COL4A1: variants seen among roughly 807,000 people sequenced by gnomAD.
The protein encoded by COL4A1 is collagen type IV alpha 1 chain, also known as collagen alpha-1(IV) chain.
In COL4A1, 40 loss-of-function variants were observed where a neutral mutation model predicts 216.6. The observed-to-expected ratio is 0.18, with a 90% CI of 0.14 to 0.24. The LOEUF (loss-of-function observed/expected upper bound fraction) is 0.24, where lower values mean the gene tolerates loss of function less well. Ranked by LOEUF, COL4A1 falls within the 10% of genes least tolerant of loss-of-function variation. The pLI is 1.00. For synonymous variants in COL4A1, 839 were observed against 810.7 expected (o/e 1.03, Z -0.59); for missense variants, 1,628 against 2,196.8 (o/e 0.74, Z 5.18).
chr13:110,174,550 G>C, intron 38 of COL4A1, 24 bp from the exon 39 acceptor site: 1 of 1,614,070 alleles, frequency 6.2e-7, no homozygotes, highest in South Asian at 1.1e-5. Flanking sequence ...CAAAACACCA[G>C]AACATCCATA....
At chr13:110,167,357 T>C (rs113375666) in intron 43 of COL4A1, 127 bp from the exon 44 acceptor site, 2 of 781,392 alleles carry the variant, frequency 2.6e-6, no homozygotes, top group Admixed American at 3.6e-5. Flanking sequence ...GAACAAATGG[T>C]GCCTTGTGGT....
chr13:110,202,619 C>A (rs947292750), intron 18 of COL4A1, among the ~76,000 whole-genome samples: 5 of 152,022 alleles, frequency 3.3e-5, no homozygotes, highest in African/African-American at 1.2e-4. Flanking sequence ...AGGAAGGCAG[C>A]AAAGGAGAGA....
rs551689044 is a variant in COL4A1, at chr13:110,148,976, G to A, written c.*1387C>T. ...ATAAAAATAATCTAAGGTATGCAAA[G>A]CTTACAAATTTATTAGCAGCTTGTG... is the stretch of plus-strand genomic sequence containing the variant. On this transcript the variant is annotated 3_prime_UTR_variant, in exon 52 of 52. Transcript: ENST00000375820. The A allele has an allele frequency of 7.2e-5, 11 of 152,782 alleles. No individual in the cohort carries two copies. The highest frequency in any genetic ancestry group is 1.0e-4 in the Non-Finnish European group (7 of 68,190). 9.5% of individuals were successfully genotyped at this position (152,782 alleles called of 1,614,324 possible). A position where few individuals can be genotyped will look rare whatever the true frequency, so the allele number is the denominator to read the frequency against.
At chr13:110,191,293 TA>T (rs1878616172) in intron 24 of COL4A1, 1 of 171,562 alleles carries the variant, frequency 5.8e-6, no homozygotes, top group Non-Finnish European at 1.2e-5. Context: ...CTTTAAAAAT[TA>T]AAAAATTTGA....
chr13:110,212,636 A>C lies in COL4A1; in HGVS notation c.280-18T>G. ...GGAGGTCCCTGTGAGGGCGGAAGTA[A>C]AAGCGTGTCAGTGAAGAGCCGGGAA... On this transcript the variant is annotated intron_variant, in intron 4 of 51. Coordinates refer to ENST00000375820, the MANE Select transcript of COL4A1 (RefSeq NM_001845.6). The C allele has an allele frequency of 6.2e-7, 1 of 1,613,456 alleles. No homozygotes were observed. The highest frequency in any genetic ancestry group is 8.5e-7 in the Non-Finnish European group (1 of 1,180,022).
At chr13:110,237,497 C>T (rs1247289407) in intron 2 of COL4A1, among the ~76,000 whole-genome samples, 7 of 152,148 alleles carry the variant, frequency 4.6e-5, no homozygotes, top group African/African-American at 9.7e-5. Flanking sequence ...TGCTGCTCGA[C>T]ATCCTACAAT....
chr13:110,273,624 T>A (rs1042068975), intron 1 of COL4A1, among the ~76,000 whole-genome samples: 2 of 152,190 alleles, frequency 1.3e-5, no homozygotes, highest in African/African-American at 4.8e-5. Flanking sequence ...AACTGAATAA[T>A]AAAGAACTAA....
intron 2 of COL4A1, among the ~76,000 whole-genome samples, chr13:110,218,803 G>T (rs1880226590): frequency 1.3e-5 from 2 of 152,182 alleles, no homozygotes; most frequent in South Asian, 4.1e-4. Flanking sequence ...GCTGCTTTCT[G>T]TCATCTAGCG....
intron 2 of COL4A1, among the ~76,000 whole-genome samples, chr13:110,225,997 C>T (rs616008): frequency 0.55 from 83,444 of 152,126 alleles, 23,512 homozygotes; most frequent in Middle Eastern, 0.61. Flanking sequence ...GGTCTGACTT[C>T]ACTGCTTTTT....
At chr13:110,270,042 C>G (rs960303431) in intron 1 of COL4A1, among the ~76,000 whole-genome samples, 6 of 152,130 alleles carry the variant, frequency 3.9e-5, no homozygotes, top group African/African-American at 1.4e-4. Context: ...CCAGCCTTCA[C>G]CCCGCACTCC....
chr13:110,174,705 C>T lies in COL4A1; in HGVS notation c.3243G>A (p.Lys1081=), dbSNP rs934953832. 1.9e-6 allele frequency: 3 copies of T among 1,613,776 alleles called. No individual in the cohort carries two copies. In the African/African-American group the frequency reaches 4.0e-5, roughly 22 times the overall value. Residue 1081 remains lysine (K), a synonymous_variant, in exon 38 of 52, where the codon AAG becomes AAA. Transcript: ENST00000375820. ...GGATCCCAATGCTTCCTTTTTCTCCCTTCTCTCCAGGGCTTCCTGGGAAAC... is the reference window on the plus strand; with the variant it reads ...GGATCCCAATGCTTCCTTTTTCTCCTTTCTCTCCAGGGCTTCCTGGGAAAC... The part of the protein sequence containing the change: ...IAGFPGSPGE[K]GEKGSIGIPG...
In COL4A1 at chr13:110,200,850, T is replaced by C; in HGVS notation, c.1120+4A>G. 1 of 1,614,048 alleles carries C rather than the reference T, an allele frequency of 6.2e-7. No homozygotes were observed. Among genetic ancestry groups the C allele is most frequent in the Non-Finnish European group, 8.5e-7 (1 of 1,179,926 alleles). ...GCTATAACAAATCAGTTAAGGAGTC[T>C]CACCTGGAGGTCCGGGTTGGCCTGG... On this transcript the variant is annotated splice_donor_region_variant and intron_variant, in intron 20 of 51. Coordinates refer to ENST00000375820, the MANE Select transcript of COL4A1 (RefSeq NM_001845.6).
chr13:110,160,112 A>G (rs1876999048), intron 49 of COL4A1, among the ~76,000 whole-genome samples: 1 of 152,234 alleles, frequency 6.6e-6, no homozygotes, highest in Admixed American at 6.5e-5. Context: ...ATGTTATGTT[A>G]TGTCCATTTT....
intron 1 of COL4A1, among the ~76,000 whole-genome samples, chr13:110,284,150 G>GA (rs1261192703): frequency 6.6e-6 from 1 of 152,222 alleles, no homozygotes; most frequent in Non-Finnish European, 1.5e-5. Context: ...ACCCAGACAG[G>GA]ATGTGCTCCC....
At position 110,212,453 on chromosome 13, in the gene COL4A1, T is replaced by C. The variant is rs1566378803; in HGVS notation, c.351A>G (p.Pro117=). The change falls in exon 6 of 52, where the codon CCA becomes CCG. Residue 117 remains proline (P), a synonymous_variant. Transcript: ENST00000375820. Reference sequence around the variant, plus strand: ...TGCATCCTGGAATACCTGGGGGGCCTGGCGGGCCGTCTTGGCCAGGAATTC... The same window carrying C: ...TGCATCCTGGAATACCTGGGGGGCCCGGCGGGCCGTCTTGGCCAGGAATTC... The part of the protein sequence containing the change: ...LPGIPGQDGP[P]GPPGIPGCNG... The C allele has an allele frequency of 6.2e-7, 1 of 1,614,094 alleles. No homozygotes were observed. Among genetic ancestry groups the C allele is most frequent in the Non-Finnish European group, 8.5e-7 (1 of 1,180,032 alleles).
rs768632596 is a variant in COL4A1 at position 110,170,623 on chromosome 13, C to A, written c.3666G>T (p.Gly1222=). 5.6e-6 allele frequency: 9 copies of A among 1,612,756 alleles called. No homozygotes were observed. The South Asian group carries it at 8.8e-5, about 16-fold the overall frequency. The change falls in exon 42 of 52, where the codon GGG becomes GGT. Residue 1222 remains glycine (G), a synonymous_variant. Transcript: ENST00000375820. The stretch of plus-strand genomic sequence containing the variant: ...TGGCATGGCCTGGGGATCCCGGTAA[C>A]CCCGGCTGTCCCTGGGGCCCCGGAG... The part of the protein sequence containing the change: ...MGPPGPQGQP[G]LPGSPGHATE...
At chr13:110,183,996 G>C (rs1346755017) in intron 26 of COL4A1, among the ~76,000 whole-genome samples, 2 of 152,186 alleles carry the variant, frequency 1.3e-5, no homozygotes, top group African/African-American at 4.8e-5. Context: ...CCCTAGAACA[G>C]CCAGCACATT....
intron 20 of COL4A1, among the ~76,000 whole-genome samples, chr13:110,200,548 G>A (rs1270242883): frequency 3.3e-5 from 5 of 152,156 alleles, no homozygotes; most frequent in South Asian, 2.1e-4. Flanking sequence ...AGTGGGAGCC[G>A]TGGGAAAAGA....
chr13:110,192,805 G>C (rs1812767846), intron 23 of COL4A1, 25 bp downstream of exon 23: 1 of 1,601,234 alleles, frequency 6.2e-7, no homozygotes, highest in Admixed American at 1.7e-5. Flanking sequence ...ACTCTGACCT[G>C]GTCCTTTTCA....
Sources: allele counts gnomAD v4.1 joint callset (sites outside exome capture counted in the v4.1 genomes callset), GRCh38; gene constraint gnomAD v4.1.1; transcripts MANE v1.5; gene names NCBI Gene and HGNC (gene_info 2026-07-23, HGNC 2026-07-21).